Variants in AGTPBP1 observed in about 807,000 individuals in gnomAD.
AGTPBP1 encodes ATP/GTP binding carboxypeptidase 1.
AGTPBP1 carries 70 observed loss-of-function variants against 143.9 expected under a neutral mutation model. That is an observed-to-expected ratio of 0.49 (90% CI 0.40 to 0.59). AGTPBP1 has a LOEUF of 0.59. AGTPBP1 is among the 20% of genes least tolerant of loss of function. The probability of loss-of-function intolerance (pLI) is 0.00; values close to 1 mark genes in which losing one functional copy is unlikely to be tolerated. For missense variants in AGTPBP1, 1,229 were observed against 1,464.5 expected, an observed-to-expected ratio of 0.84 and a Z score of 2.62; for synonymous variants, 463 against 500.2, an observed-to-expected ratio of 0.93 and a Z score of 0.99.
In AGTPBP1 at chr9:85,692,708, A is replaced by G; in HGVS notation, c.138T>C (p.Leu46=). The G allele has an allele frequency of 3.7e-6, 6 of 1,613,940 alleles. No homozygotes were observed. The highest frequency in any genetic ancestry group is 5.1e-6 in the Non-Finnish European group (6 of 1,179,938). Residue 46 remains leucine (L), a synonymous_variant, in exon 3 of 26, where the codon CTT becomes CTC. Transcript: ENST00000357081. ...DTARYVTSKI[L]HLAQSQEKTR... ...GTTTACCTTGACTCTGAGCCAGATG[A>G]AGAATTTTTGATGTAACATATCGGG...
intron 2 of AGTPBP1, among the ~76,000 whole-genome samples, chr9:85,705,747 G>A (rs1836948533): frequency 6.6e-6 from 1 of 152,096 alleles, no homozygotes; most frequent in Non-Finnish European, 1.5e-5. Context: ...CTGGAGTGCA[G>A]TGGCATGATC....
chr9:85,803,803 G>A, the AGTPBP1 span, among the ~76,000 whole-genome samples: 1 of 152,098 alleles, frequency 6.6e-6, no homozygotes, highest in Non-Finnish European at 1.5e-5. Flanking sequence ...TTCTTAAAAT[G>A]TCTAAATCTA....
intron 25 of AGTPBP1, among the ~76,000 whole-genome samples, chr9:85,560,603 C>T (rs920302254): frequency 6.6e-6 from 1 of 152,118 alleles, no homozygotes; most frequent in Non-Finnish European, 1.5e-5. Context: ...AAAAAATCCC[C>T]TAAGGAGTCT....
intron 1 of AGTPBP1, among the ~76,000 whole-genome samples, chr9:85,724,570 C>T (rs1838349407): frequency 6.6e-6 from 1 of 152,162 alleles, no homozygotes; most frequent in African/African-American, 2.4e-5. Context: ...CCATTGTTTA[C>T]TACAAAAGCA....
chr9:85,656,009 A>G (rs1373548620), intron 10 of AGTPBP1, among the ~76,000 whole-genome samples: 1 of 152,112 alleles, frequency 6.6e-6, no homozygotes, highest in Non-Finnish European at 1.5e-5. Flanking sequence ...TTGTATTTTT[A>G]GTAGAGACGA....
upstream of AGTPBP1, among the ~76,000 whole-genome samples, chr9:85,746,610 C>T (rs759691040): frequency 1.3e-5 from 2 of 151,914 alleles, no homozygotes. Context: ...GACTGGGCAA[C>T]AGAGCAAGAT....
intron 2 of AGTPBP1, among the ~76,000 whole-genome samples, chr9:85,700,088 A>C (rs751869159): frequency 1.3e-5 from 2 of 152,184 alleles, no homozygotes; most frequent in Non-Finnish European, 2.9e-5. Flanking sequence ...CCTCTGGAAA[A>C]CAGCACTTTA....
the AGTPBP1 span, among the ~76,000 whole-genome samples, chr9:85,767,411 G>A: frequency 1.3e-5 from 2 of 150,028 alleles, no homozygotes; most frequent in African/African-American, 2.5e-5. Context: ...GCAGTGGCGC[G>A]ATCTCAGCTC....
the AGTPBP1 span, among the ~76,000 whole-genome samples, chr9:85,792,862 T>C: frequency 1.3e-5 from 2 of 152,176 alleles, no homozygotes; most frequent in African/African-American, 4.8e-5. Context: ...TTCCATACAG[T>C]TGGATGTCAA....
intron 25 of AGTPBP1, among the ~76,000 whole-genome samples, chr9:85,558,023 T>G (rs1426100518): frequency 6.6e-6 from 1 of 152,180 alleles, no homozygotes; most frequent in Non-Finnish European, 1.5e-5. Flanking sequence ...CCAAATTAGG[T>G]TTTTTAAAAA....
rs1444799371 is a variant in AGTPBP1, at chr9:85,632,698, T to C, written c.1979A>G (p.Lys660Arg). 6.2e-7 allele frequency: 1 copy of C among 1,612,828 alleles called. No individual in the cohort carries two copies. The highest frequency in any genetic ancestry group is 2.2e-5 in the East Asian group (1 of 44,888). Residue 660 changes from lysine to arginine, a missense_variant, in exon 14 of 26, where the codon AAA (lysine) becomes AGA (arginine). Physicochemically the swap from Lys to Arg is conservative, Grantham distance 26 (BLOSUM62 2). This residue lies in a region of AGTPBP1 where 743 missense variants were observed against 812.2 expected (regional missense o/e 0.91). Coordinates refer to ENST00000357081, the MANE Select transcript of AGTPBP1 (RefSeq NM_001330701.2). ...DYFGHIPPPF[K>R]EPILERPYGV... ...ATAAGGCCTTTCTAAAATAGGCTCT[T>C]TGAATGGAGGCGGAATGTGACCAAA...
chr9:85,578,555 TA>T (rs906234090), intron 24 of AGTPBP1, among the ~76,000 whole-genome samples: 3 of 152,246 alleles, frequency 2.0e-5, no homozygotes, highest in Admixed American at 6.5e-5. Context: ...ATTTTAAATG[TA>T]AAAAAATTTA....
intron 18 of AGTPBP1, among the ~76,000 whole-genome samples, chr9:85,595,853 A>G (rs998345600): frequency 6.6e-5 from 10 of 152,320 alleles, no homozygotes; most frequent in Non-Finnish European, 1.3e-4. Flanking sequence ...AATTTGCTAT[A>G]AGTAGATCAC....
intron 1 of AGTPBP1, among the ~76,000 whole-genome samples, chr9:85,740,798 T>C (rs1261215966): frequency 6.6e-6 from 1 of 152,192 alleles, no homozygotes; most frequent in Non-Finnish European, 1.5e-5. Context: ...GTTAAACACC[T>C]GAAGGAAAAA....
At chr9:85,634,670 A>G (rs1417510317) in intron 13 of AGTPBP1, among the ~76,000 whole-genome samples, 1 of 152,216 alleles carries the variant, frequency 6.6e-6, no homozygotes, top group African/African-American at 2.4e-5. Context: ...TGATTTAAAC[A>G]GATAAATAAG....
chr9:85,612,943 A>G (rs1036189332), intron 17 of AGTPBP1, among the ~76,000 whole-genome samples: 1 of 152,132 alleles, frequency 6.6e-6, no homozygotes, highest in Non-Finnish European at 1.5e-5. Context: ...AAAAGAATGA[A>G]TATTATTTTC....
the AGTPBP1 span, among the ~76,000 whole-genome samples, chr9:85,747,850 A>G: frequency 6.6e-6 from 1 of 152,274 alleles, no homozygotes; most frequent in Non-Finnish European, 1.5e-5. Flanking sequence ...AATTATAGCA[A>G]TAGTTAACAT....
At chr9:85,572,426 T>C (rs556405424) in intron 25 of AGTPBP1, among the ~76,000 whole-genome samples, 1 of 152,172 alleles carries the variant, frequency 6.6e-6, no homozygotes, top group Non-Finnish European at 1.5e-5. Context: ...ATGAGGCCTA[T>C]AAACTCCTTC....
chr9:85,659,667 T>C (rs1002231875), intron 9 of AGTPBP1, among the ~76,000 whole-genome samples: 2 of 152,156 alleles, frequency 1.3e-5, no homozygotes, highest in Non-Finnish European at 2.9e-5. Flanking sequence ...ATGAGAATTT[T>C]GGCTTTTACT....
Sources: allele counts gnomAD v4.1 joint callset (sites outside exome capture counted in the v4.1 genomes callset), GRCh38; gene constraint gnomAD v4.1.1; regional missense constraint gnomAD v4.1.1; transcripts MANE v1.5; gene names NCBI Gene and HGNC (gene_info 2026-07-23, HGNC 2026-07-21).